The following NYAP2 variants were observed in gnomAD, a reference collection of about 807,000 sequenced individuals.
NYAP2 encodes the protein neuronal tyrosine-phosphorylated phosphoinositide-3-kinase adaptor 2.
NYAP2 carries 23 observed loss-of-function variants against 50.4 expected under a neutral mutation model. The ratio of observed to expected loss-of-function variants is 0.46; its 90% CI spans 0.33 to 0.65. NYAP2 has a LOEUF of 0.65. Ranked by LOEUF, NYAP2 falls within the 30% of genes least tolerant of loss-of-function variation. NYAP2 has a pLI of 0.02. For synonymous variants in NYAP2, 394 were observed against 365.2 expected (o/e 1.08, Z -0.90); for missense variants, 885 against 861.0 (o/e 1.03, Z -0.35).
At chr2:225,402,837 A>T (rs940472938) in intron 2 of NYAP2, among the ~76,000 whole-genome samples, 2 of 152,034 alleles carry the variant, frequency 1.3e-5, no homozygotes, top group African/African-American at 4.8e-5. Context: ...AAGTGAAATT[A>T]TAGGAGTAAT....
intron 3 of NYAP2, among the ~76,000 whole-genome samples, chr2:225,502,025 G>T (rs1574646714): frequency 2.0e-5 from 3 of 152,318 alleles, no homozygotes; most frequent in African/African-American, 7.2e-5. Context: ...ATGAGAACTG[G>T]CATAGAATCC....
At chr2:225,578,958 G>C (rs1427502151) in intron 4 of NYAP2, among the ~76,000 whole-genome samples, 2 of 152,152 alleles carry the variant, frequency 1.3e-5, no homozygotes, top group Non-Finnish European at 2.9e-5. Context: ...GTCGGTTTCT[G>C]ATGAGGGCTC....
intron 4 of NYAP2, among the ~76,000 whole-genome samples, chr2:225,568,532 T>C (rs1201012236): frequency 6.6e-6 from 1 of 152,192 alleles, no homozygotes; most frequent in Non-Finnish European, 1.5e-5. Flanking sequence ...GAATGCCGAT[T>C]CTAATACTGT....
At chr2:225,658,320 C>G (rs954643131), downstream of NYAP2, among the ~76,000 whole-genome samples, 5 of 152,098 alleles carry the variant, frequency 3.3e-5, no homozygotes, top group Non-Finnish European at 7.4e-5. Flanking sequence ...TGGAACACCC[C>G]CCTAAGTTCA....
chr2:225,545,376 T>A (rs1691555452), intron 4 of NYAP2, among the ~76,000 whole-genome samples: 1 of 152,124 alleles, frequency 6.6e-6, no homozygotes, highest in African/African-American at 2.4e-5. Flanking sequence ...TCATTGTTTT[T>A]TATTCTTTTA....
intron 3 of NYAP2, among the ~76,000 whole-genome samples, chr2:225,409,626 C>T (rs558945867): frequency 6.6e-6 from 1 of 152,072 alleles, no homozygotes; most frequent in South Asian, 2.1e-4. Flanking sequence ...TGTTTGTTAC[C>T]AAGTGCCACA....
At chr2:225,454,348 C>G (rs1191271942) in intron 3 of NYAP2, among the ~76,000 whole-genome samples, 1 of 151,970 alleles carries the variant, frequency 6.6e-6, no homozygotes, top group Non-Finnish European at 1.5e-5. Flanking sequence ...AAAACAAAAA[C>G]AAAAACAAAA....
chr2:225,483,299 A>G (rs945469102), intron 3 of NYAP2, among the ~76,000 whole-genome samples: 3 of 152,198 alleles, frequency 2.0e-5, no homozygotes, highest in Admixed American at 6.5e-5. Context: ...CTTTATTACC[A>G]CATATCTTTA....
At chr2:225,662,750 T>C in the NYAP2 span, among the ~76,000 whole-genome samples, 2 of 152,208 alleles carry the variant, frequency 1.3e-5, no homozygotes, top group African/African-American at 4.8e-5. Context: ...CAATCAACTT[T>C]GCATATGAAA....
intron 3 of NYAP2, among the ~76,000 whole-genome samples, chr2:225,432,319 T>C (rs1689280435): frequency 6.6e-6 from 1 of 151,464 alleles, no homozygotes; most frequent in Non-Finnish European, 1.5e-5. Flanking sequence ...TTTAAAGCTC[T>C]TGACTGTGGT....
chr2:225,658,006 T>G (rs1019945190), downstream of NYAP2, among the ~76,000 whole-genome samples: 1 of 152,218 alleles, frequency 6.6e-6, no homozygotes, highest in Non-Finnish European at 1.5e-5. Flanking sequence ...TTCTGTGATA[T>G]TCCAGATTCT....
At chr2:225,608,667 A>G (rs975332605) in intron 5 of NYAP2, among the ~76,000 whole-genome samples, 10 of 152,066 alleles carry the variant, frequency 6.6e-5, no homozygotes, top group African/African-American at 2.4e-4. Flanking sequence ...CAGGCTGGAC[A>G]TTTGTGGGCT....
intron 4 of NYAP2, among the ~76,000 whole-genome samples, chr2:225,534,924 C>T (rs1465385181): frequency 1.3e-5 from 2 of 152,220 alleles, no homozygotes; most frequent in African/African-American, 2.4e-5. Context: ...GAGCCAGAGA[C>T]ACTGCTATGG....
chr2:225,466,324 G>A (rs1689917788), intron 3 of NYAP2, among the ~76,000 whole-genome samples: 1 of 152,150 alleles, frequency 6.6e-6, no homozygotes, highest in African/African-American at 2.4e-5. Flanking sequence ...GGTGTCATGA[G>A]TGCCTATTAT....
At chr2:225,684,549 T>A in the NYAP2 span, among the ~76,000 whole-genome samples, 16 of 152,060 alleles carry the variant, frequency 1.1e-4, no homozygotes, top group East Asian at 3.1e-3. Context: ...AAATCTTAAA[T>A]ATAGTTTTTT....
At chr2:225,406,687 T>G (rs2106117634) in intron 2 of NYAP2, among the ~76,000 whole-genome samples, 1 of 152,142 alleles carries the variant, frequency 6.6e-6, no homozygotes, top group Non-Finnish European at 1.5e-5. Context: ...TTCATTTTCA[T>G]CTCAAAAAAT....
At chr2:225,600,841 C>A (rs1559226549) in intron 5 of NYAP2, among the ~76,000 whole-genome samples, 1 of 152,188 alleles carries the variant, frequency 6.6e-6, no homozygotes, top group Non-Finnish European at 1.5e-5. Flanking sequence ...TGGCTTATTT[C>A]ACTTAGCATG....
At position 225,514,751 on chromosome 2, in the gene NYAP2, C is replaced by T. The variant is rs191362282; in HGVS notation, c.523+1079C>T. Reference sequence around the variant, plus strand: ...AAATGTGGAAAACACTTCAAGGTTCCCAATGCTGCCAGTGACCAGTTTGAG... The same window carrying T: ...AAATGTGGAAAACACTTCAAGGTTCTCAATGCTGCCAGTGACCAGTTTGAG... On this transcript the variant is annotated intron_variant, in intron 4 of 6. Coordinates refer to ENST00000636099, the Ensembl canonical transcript of NYAP2. Among the ~76,000 whole-genome samples the T allele has an allele frequency of 2.7e-3, 407 of 152,200 alleles. 4 individuals are homozygous for T. Among genetic ancestry groups the T allele is most frequent in the African/African-American group, 9.5e-3 (393 of 41,518 alleles).
chr2:225,687,820 G>A, the NYAP2 span, among the ~76,000 whole-genome samples: 4 of 152,232 alleles, frequency 2.6e-5, no homozygotes, highest in African/African-American at 9.6e-5. Flanking sequence ...GACAGAGAAC[G>A]GGAAAGGTCA....
Sources: gnomAD v4.1 joint callset for allele counts (sites outside exome capture counted in the v4.1 genomes callset) on GRCh38, gnomAD v4.1.1 for gene constraint, MANE v1.5 for transcripts, NCBI Gene and HGNC (gene_info 2026-07-23, HGNC 2026-07-21) for gene names.